The following AFF3 variants were observed in gnomAD, a reference collection of about 807,000 sequenced individuals.
AFF3 encodes AF4/FMR2 family member 3.
AFF3 carries 32 observed loss-of-function variants against 129.7 expected under a neutral mutation model. That is an observed-to-expected ratio of 0.25 (90% CI 0.19 to 0.33). AFF3 has a LOEUF of 0.33. Among genes scored for constraint, AFF3 ranks in the 10% least tolerant of loss-of-function variants. AFF3 has a pLI of 1.00. For synonymous variants in AFF3, 644 were observed against 635.4 expected (o/e 1.01, Z -0.20); for missense variants, 1,373 against 1,592.0 (o/e 0.86, Z 2.34).
At chr2:99,921,168 C>T (rs1576352130) in intron 7 of AFF3, among the ~76,000 whole-genome samples, 1 of 152,030 alleles carries the variant, frequency 6.6e-6, no homozygotes, top group African/African-American at 2.4e-5. Context: ...AACATCAAAG[C>T]TAAAAATTGT....
At chr2:99,754,924 T>C (rs1313135524) in intron 8 of AFF3, among the ~76,000 whole-genome samples, 1 of 152,226 alleles carries the variant, frequency 6.6e-6, no homozygotes, top group African/African-American at 2.4e-5. Context: ...AAAGTTAGGG[T>C]ATCGGCTCTG....
chr2:100,118,814 C>CT (rs5832899), intron 2 of AFF3, among the ~76,000 whole-genome samples: 20,155 of 143,654 alleles, frequency 0.14, 1,608 homozygotes, highest in African/African-American at 0.19. Context: ...AAAATTCTGA[C>CT]TTTTTTTTTT....
chr2:99,861,784 T>C (rs1409411507), intron 7 of AFF3, among the ~76,000 whole-genome samples: 1 of 152,222 alleles, frequency 6.6e-6, no homozygotes, highest in Non-Finnish European at 1.5e-5. Flanking sequence ...CCAGAGCCAC[T>C]GTGCTCTTCA....
intron 4 of AFF3, among the ~76,000 whole-genome samples, chr2:100,048,452 G>A (rs111804150): frequency 9.2e-4 from 140 of 152,238 alleles, no homozygotes; most frequent in Non-Finnish European, 1.8e-3. Flanking sequence ...AGAAGGGCAT[G>A]TTTACTTTAA....
At chr2:99,655,213 TACACAC>T (rs59646108) in intron 12 of AFF3, among the ~76,000 whole-genome samples, 11,800 of 130,194 alleles carry the variant, frequency 0.091, 793 homozygotes, top group African/African-American at 0.18. Context: ...CATGAAAAGC[TACACAC>T]ACACACACAC....
intron 4 of AFF3, among the ~76,000 whole-genome samples, chr2:100,082,094 C>G (rs1573372107): frequency 6.6e-6 from 1 of 152,250 alleles, no homozygotes; most frequent in African/African-American, 2.4e-5. Context: ...TTAAGAGGAT[C>G]TGCCAAATTA....
At chr2:99,923,306 T>G (rs182687596) in intron 7 of AFF3, among the ~76,000 whole-genome samples, 67 of 152,372 alleles carry the variant, frequency 4.4e-4, no homozygotes, top group African/African-American at 1.3e-3. Context: ...GTTCACACAG[T>G]GTTGATAAGG....
chr2:100,009,020 G>A, intron 4 of AFF3, 88 bp from the exon 5 acceptor site: 1 of 1,510,398 alleles, frequency 6.6e-7, no homozygotes. Flanking sequence ...GCAGAAGTCT[G>A]GTTCGTGGAC....
intron 14 of AFF3, among the ~76,000 whole-genome samples, chr2:99,598,780 T>C (rs1679537757): frequency 6.6e-6 from 1 of 152,214 alleles, no homozygotes. Flanking sequence ...TAAGGTGACC[T>C]GGGCCAGCTC....
At chr2:100,070,209 T>C in intron 4 of AFF3, among the ~76,000 whole-genome samples, 1 of 107,444 alleles carries the variant, frequency 9.3e-6, no homozygotes, top group Admixed American at 8.1e-5. Context: ...TGGGTGGTTT[T>C]ATAAAAAAAA....
intron 13 of AFF3, among the ~76,000 whole-genome samples, chr2:99,640,085 CCA>C (rs1234417016): frequency 6.6e-6 from 1 of 152,148 alleles, no homozygotes; most frequent in African/African-American, 2.4e-5. Flanking sequence ...ACCCAAAGAC[CCA>C]CAGTTTGGCT....
chr2:99,827,116 A>G (rs1033702542), intron 8 of AFF3, among the ~76,000 whole-genome samples: 1 of 152,190 alleles, frequency 6.6e-6, no homozygotes, highest in Non-Finnish European at 1.5e-5. Flanking sequence ...GGTGTCCATG[A>G]CACATCTAAG....
intron 7 of AFF3, among the ~76,000 whole-genome samples, chr2:99,862,758 T>A (rs1366146391): frequency 2.0e-5 from 3 of 152,276 alleles, no homozygotes; most frequent in Non-Finnish European, 2.9e-5. Flanking sequence ...GTGGACCGAA[T>A]GAGGTTGTGG....
chr2:99,561,491 C>T (rs1167192517), intron 20 of AFF3, among the ~76,000 whole-genome samples: 1 of 152,152 alleles, frequency 6.6e-6, no homozygotes, highest in East Asian at 1.9e-4. Context: ...ATACCTTTAC[C>T]TTCCCCACTT....
rs565886549 is a variant in AFF3, at chr2:99,569,747, G to A, written c.2919-832C>T. Among the ~76,000 whole-genome samples, 90 of 152,274 alleles carry A rather than the reference G, an allele frequency of 5.9e-4. 1 individual carries two copies. Among genetic ancestry groups the A allele is most frequent in the African/African-American group, 2.1e-3 (88 of 41,552 alleles). On this transcript the variant is annotated intron_variant, in intron 18 of 24. Coordinates refer to ENST00000672756, the MANE Select transcript of AFF3 (RefSeq NM_001386135.1). ...AAAATGACATTTTTAGGCACCGGCA[G>A]CATAAACTTTATATAATCAATAAAC...
At chr2:99,738,480 C>G (rs1200027965) in intron 10 of AFF3, among the ~76,000 whole-genome samples, 1 of 152,080 alleles carries the variant, frequency 6.6e-6, no homozygotes, top group East Asian at 1.9e-4. Flanking sequence ...TTTTATTTAA[C>G]ACAAATAATT....
At chr2:99,969,035 C>CT (rs1343696197) in intron 7 of AFF3, among the ~76,000 whole-genome samples, 1 of 152,218 alleles carries the variant, frequency 6.6e-6, no homozygotes. Context: ...GCGGAACAAA[C>CT]TGACTTCTGC....
At chr2:99,995,656 T>C (rs1680774612) in intron 7 of AFF3, among the ~76,000 whole-genome samples, 1 of 152,144 alleles carries the variant, frequency 6.6e-6, no homozygotes, top group Non-Finnish European at 1.5e-5. Flanking sequence ...ACACCACGCC[T>C]GGCCCATCTA....
chr2:99,710,118 A>C (rs1677762247), intron 11 of AFF3, among the ~76,000 whole-genome samples: 1 of 152,190 alleles, frequency 6.6e-6, no homozygotes, highest in Admixed American at 6.6e-5. Flanking sequence ...AGTTGCTATA[A>C]AGATTCGAAG....
Sources: allele counts gnomAD v4.1 joint callset (sites outside exome capture counted in the v4.1 genomes callset), GRCh38; gene constraint gnomAD v4.1.1; transcripts MANE v1.5; gene names NCBI Gene and HGNC (gene_info 2026-07-23, HGNC 2026-07-21).